The following DSG1 variants were observed in gnomAD, a reference collection of about 807,000 sequenced individuals.
DSG1 encodes desmoglein 1, also known as desmoglein-1.
Under a neutral mutation model 97.5 loss-of-function variants are expected in DSG1, and 39 were observed. That is an observed-to-expected ratio of 0.40 (90% CI 0.31 to 0.52). DSG1 has a LOEUF of 0.52. Among genes scored for constraint, DSG1 ranks in the 20% least tolerant of loss-of-function variants. The pLI, the probability that DSG1 is intolerant of heterozygous loss-of-function variation, is 0.53. For missense variants in DSG1, 1,311 were observed against 1,295.4 expected, an observed-to-expected ratio of 1.01 and a Z score of -0.18; for synonymous variants, 475 against 443.4, an observed-to-expected ratio of 1.07 and a Z score of -0.90.
chr18:31,338,605 G>T, intron 10 of DSG1, 151 bp downstream of exon 10: 2 of 779,052 alleles, frequency 2.6e-6, no homozygotes, highest in Non-Finnish European at 4.2e-6. Flanking sequence ...AACAACTTGA[G>T]GCAGTATAAT....
In DSG1 at chr18:31,357,019, T is replaced by A. The variant is rs964860995; in HGVS notation, c.*1673T>A. 4 of 151,884 alleles carry A rather than the reference T, an allele frequency of 2.6e-5. No individual in the cohort carries two copies. The highest frequency in any genetic ancestry group is 2.1e-4 in the South Asian group (1 of 4,824). The allele number at this position is 151,884 out of a possible 1,614,324, so 9.4% of individuals were successfully genotyped here. ...ATGACAAAATAAAATTAGAAAAAAA[T>A]TTGCCCTGGAGTTGTGAATTATATA... is the stretch of plus-strand genomic sequence containing the variant. On this transcript the variant is annotated 3_prime_UTR_variant, in exon 15 of 15. Transcript: ENST00000257192.
intron 8 of DSG1, 26 bp downstream of exon 8, chr18:31,334,228 T>A: frequency 6.8e-7 from 1 of 1,479,762 alleles, no homozygotes; most frequent in Non-Finnish European, 9.4e-7. Flanking sequence ...CCTAAATATT[T>A]TGTTTTCTTA....
chr18:31,349,037 GC>G (rs1398378692), intron 14 of DSG1, among the ~76,000 whole-genome samples: 1 of 89,104 alleles, frequency 1.1e-5, no homozygotes, highest in African/African-American at 4.4e-5. Flanking sequence ...TGAAGTCCTT[GC>G]CCATGCCTAT....
rs563262586 is a variant in DSG1 at position 31,331,610 on chromosome 18, C to T, written c.518-91C>T. 15 of 1,197,286 alleles carry T rather than the reference C, an allele frequency of 1.3e-5. 1 individual carries two copies. The Middle Eastern group carries it at 9.6e-4, about 76-fold the overall frequency. The allele number at this position is 1,197,286 out of a possible 1,614,324, so 74.2% of individuals were successfully genotyped here. A position where few individuals can be genotyped will look rare whatever the true frequency, so the allele number is the denominator to read the frequency against. On this transcript the variant is annotated intron_variant, in intron 5 of 14. Transcript: ENST00000257192. The stretch of plus-strand genomic sequence containing the variant: ...GTGAAGTCCACATCATAAGGATCAA[C>T]TAACTCTAACACTTTTTTGGAAAGG...
Position 31,318,275 on chromosome 18 carries a change from C to T in DSG1, c.-26C>T, listed in dbSNP as rs745576441. 9.3e-6 allele frequency: 15 copies of T among 1,607,184 alleles called. No homozygotes were observed. The South Asian group carries it at 1.6e-4, about 18-fold the overall frequency. ...GAAGAACAAACAAAACTCCCTTGGT[C>T]TTGGATGTAAGAGAATCCAGCAGAG... On this transcript the variant is annotated 5_prime_UTR_variant, in exon 1 of 15. Transcript: ENST00000257192.
chr18:31,326,706 A>T, intron 2 of DSG1, 90 bp downstream of exon 2: 1 of 1,370,398 alleles, frequency 7.3e-7, no homozygotes, highest in Non-Finnish European at 1.0e-6. Flanking sequence ...ATGTATTCTC[A>T]TAAGTCAAGT....
At chr18:31,347,348 A>G (rs2071848142) in intron 14 of DSG1, among the ~76,000 whole-genome samples, 1 of 152,090 alleles carries the variant, frequency 6.6e-6, no homozygotes, top group African/African-American at 2.4e-5. Context: ...TTCCTTGATT[A>G]CCCTATCTAA....
chr18:31,343,293 G>A, intron 11 of DSG1, 157 bp from the exon 12 acceptor site: 2 of 1,021,764 alleles, frequency 2.0e-6, no homozygotes, highest in Non-Finnish European at 3.0e-6. Context: ...TTACTTTGGG[G>A]TCTGACCATC....
intron 14 of DSG1, among the ~76,000 whole-genome samples, chr18:31,352,218 T>C (rs1282707979): frequency 6.6e-6 from 1 of 151,538 alleles, no homozygotes; most frequent in Non-Finnish European, 1.5e-5. Flanking sequence ...TTATTTCTCC[T>C]TCACTTATGA....
chr18:31,330,130 A>G, intron 5 of DSG1, 94 bp downstream of exon 5: 1 of 1,461,920 alleles, frequency 6.8e-7, no homozygotes, highest in East Asian at 2.3e-5. Context: ...AATGTAAGAG[A>G]TAAACTATAG....
In DSG1 at chr18:31,343,980, T is replaced by G. The variant is rs754000943; in HGVS notation, c.1876T>G (p.Cys626Gly). ...ACCTGATAACGCAAATATAATTGAA[T>G]GCATTGACAACTCAGGTAAGAAAAA... ...IPPDNANIIE[C>G]IDNSGVYTNE... is the part of the protein sequence containing the mutation. The change falls in exon 13 of 15, where the codon TGC becomes GGC. Residue 626 changes from cysteine (C) to glycine (G), a missense_variant. This residue lies in a region of DSG1 where 1,038 missense variants were observed against 964.6 expected (regional missense o/e 1.08). Transcript: ENST00000257192. 2 of 1,612,458 alleles carry G rather than the reference T, an allele frequency of 1.2e-6. No individual in the cohort carries two copies. The highest frequency in any genetic ancestry group is 4.5e-5 in the East Asian group (2 of 44,786).
At chr18:31,341,025 T>C (rs559893098) in intron 11 of DSG1, among the ~76,000 whole-genome samples, 8 of 152,310 alleles carry the variant, frequency 5.3e-5, no homozygotes, top group Non-Finnish European at 7.4e-5. Flanking sequence ...GCATTTAGCA[T>C]GTTCTATGGC....
intron 14 of DSG1, among the ~76,000 whole-genome samples, chr18:31,352,438 A>G (rs1418718859): frequency 6.6e-6 from 1 of 150,670 alleles, no homozygotes; most frequent in Non-Finnish European, 1.5e-5. Flanking sequence ...GAATCTGACA[A>G]TTATGTGTCT....
rs771757031 is a variant in DSG1, at chr18:31,336,626, T to C, written c.1265+13T>C. The C allele has an allele frequency of 8.1e-6, 13 of 1,613,810 alleles. No homozygotes were observed. The East Asian group carries it at 2.9e-4, about 36-fold the overall frequency. On this transcript the variant is annotated intron_variant, in intron 9 of 14. Coordinates refer to ENST00000257192, the MANE Select transcript of DSG1 (RefSeq NM_001942.4). ...CAACGACTGTTAGGTAAGAATGAGA[T>C]TTTCAACTAATTTTCCTTACATATT...
At chr18:31,346,265 T>A (rs2144111638) in intron 14 of DSG1, 67 bp downstream of exon 14, 1 of 1,353,482 alleles carries the variant, frequency 7.4e-7, no homozygotes, top group Non-Finnish European at 1.1e-6. Flanking sequence ...AAGCTTTCAC[T>A]AATTCCTAAA....
chr18:31,355,422 AT>A lies in DSG1; in HGVS notation c.*79del. On this transcript the variant is annotated 3_prime_UTR_variant, in exon 15 of 15. Transcript: ENST00000257192. ...CCACCACTAAAAAACCAACAATGTG[AT>A]TTATAACGCACAACTTCGTGCTCAG... 1 of 1,429,508 alleles carries A rather than the reference AT, an allele frequency of 7.0e-7. No individual in the cohort carries two copies. The allele number at this position is 1,429,508 out of a possible 1,614,324, so 88.6% of individuals were successfully genotyped here.
At chr18:31,339,130 T>G (rs748218156) in intron 10 of DSG1, among the ~76,000 whole-genome samples, 2 of 152,146 alleles carry the variant, frequency 1.3e-5, no homozygotes, top group Non-Finnish European at 2.9e-5. Context: ...GCACAAGATG[T>G]TAATTACAGC....
At position 31,334,058 on chromosome 18, in the gene DSG1, G is replaced by T. The variant is rs150445875; in HGVS notation, c.861G>T (p.Leu287Phe). The T allele has an allele frequency of 2.8e-3, 4,458 of 1,610,392 alleles. 7 individuals carry two copies. Among genetic ancestry groups the T allele is most frequent in the Non-Finnish European group, 3.4e-3 (4,058 of 1,177,026 alleles). ...EIQENTLNSN[L>F]LEIRVIDLDE... ...AAGAAAATACTCTAAATTCAAATTT[G>T]CTCGAGATTAGAGTAATTGATTTGG... The change falls in exon 8 of 15, where the codon TTG (leucine) becomes TTT (phenylalanine). Residue 287 changes from leucine (L) to phenylalanine (F), a missense_variant. Transcript: ENST00000257192.
chr18:31,336,471 A>C lies in DSG1; in HGVS notation c.1123A>C (p.Thr375Pro). The change falls in exon 9 of 15, where the codon ACT becomes CCT. Residue 375 changes from threonine (T) to proline (P), a missense_variant. Physicochemically the swap from Thr to Pro is conservative, Grantham distance 38. Coordinates refer to ENST00000257192, the MANE Select transcript of DSG1 (RefSeq NM_001942.4). Reference protein sequence around the residue: ...YKLKASAISVTVLNVIEGPVF... With the variant: ...YKLKASAISVPVLNVIEGPVF... ...ACTGAAAGCATCTGCAATTTCTGTG[A>C]CTGTGTTAAATGTAATTGAAGGCCC... The C allele has an allele frequency of 6.2e-7, 1 of 1,613,998 alleles. No individual in the cohort carries two copies. Among genetic ancestry groups the C allele is most frequent in the African/African-American group, 1.3e-5 (1 of 75,040 alleles).
Sources: allele counts gnomAD v4.1 joint callset (sites outside exome capture counted in the v4.1 genomes callset), GRCh38; gene constraint gnomAD v4.1.1; regional missense constraint gnomAD v4.1.1; transcripts MANE v1.5; gene names NCBI Gene and HGNC (gene_info 2026-07-23, HGNC 2026-07-21).